MDM1: variants seen among roughly 807,000 people sequenced by gnomAD.
MDM1 encodes the protein Mdm1 nuclear protein.
A neutral mutation model predicts 89.1 loss-of-function variants in MDM1; 61 were observed. That is an observed-to-expected ratio of 0.68 (90% CI 0.56 to 0.85). MDM1 has a LOEUF of 0.85. Among genes scored for constraint, MDM1 ranks in the 40% least tolerant of loss-of-function variants. The pLI is 0.00. For synonymous variants in MDM1, 290 were observed against 294.1 expected (o/e 0.99, Z 0.14); for missense variants, 820 against 846.5 (o/e 0.97, Z 0.39).
At chr12:68,313,590 T>C in intron 11 of MDM1, 38 bp from the exon 12 acceptor site, 1 of 1,608,596 alleles carries the variant, frequency 6.2e-7, no homozygotes, top group Non-Finnish European at 8.5e-7. Context: ...TTACACTAAA[T>C]TAACATGTAG....
At chr12:68,306,417 G>C (rs1189786553) in intron 12 of MDM1, among the ~76,000 whole-genome samples, 1 of 151,924 alleles carries the variant, frequency 6.6e-6, no homozygotes, top group African/African-American at 2.4e-5. Flanking sequence ...TGACAATTGG[G>C]ACTTTTGCAC....
At chr12:68,326,044 G>C (rs1875922511) in intron 3 of MDM1, 2 of 995,284 alleles carry the variant, frequency 2.0e-6, no homozygotes, top group African/African-American at 3.5e-5. Context: ...CAGGGTCCCA[G>C]TCAGTGGTGG....
At position 68,326,982 on chromosome 12, in the gene MDM1, A is replaced by G. The variant is rs1345902879; in HGVS notation, c.173T>C (p.Val58Ala). The G allele has an allele frequency of 6.2e-7, 1 of 1,604,944 alleles. No homozygotes were observed. The highest frequency in any genetic ancestry group is 8.5e-7 in the Non-Finnish European group (1 of 1,177,158). Residue 58 changes from valine to alanine, a missense_variant, in exon 3 of 15, where the codon GTC (valine) becomes GCC (alanine). Physicochemically the swap from Val to Ala is moderately conservative, Grantham distance 64. Transcript: ENST00000682720. ...TGAAATCTGTGGGTCATGGTAAGGGACTCTTCTTTTTGAAATAAAACTTGG... is the reference window on the plus strand; with the variant it reads ...TGAAATCTGTGGGTCATGGTAAGGGGCTCTTCTTTTTGAAATAAAACTTGG... Reference protein sequence around the residue: ...KEPSFISKRRVPYHDPQISKS... With the variant: ...KEPSFISKRRAPYHDPQISKS...
At chr12:68,325,285 A>T (rs1385281248) in intron 4 of MDM1, 156 bp downstream of exon 4, 2 of 1,327,602 alleles carry the variant, frequency 1.5e-6, no homozygotes, top group Non-Finnish European at 1.9e-6. Flanking sequence ...AATCATAAGT[A>T]ATAGGATGAT....
chr12:68,302,530 T>C, intron 13 of MDM1, 90 bp downstream of exon 13: 3 of 1,143,708 alleles, frequency 2.6e-6, no homozygotes, highest in South Asian at 2.0e-5. Flanking sequence ...AAATAACTGA[T>C]TTATTAACAT....
At chr12:68,310,742 G>A (rs2120916387) in intron 12 of MDM1, among the ~76,000 whole-genome samples, 1 of 152,286 alleles carries the variant, frequency 6.6e-6, no homozygotes, top group East Asian at 1.9e-4. Flanking sequence ...AGGGTGCTCT[G>A]ATCCCATCTC....
At chr12:68,319,651 A>C (rs1264863074) in intron 7 of MDM1, among the ~76,000 whole-genome samples, 1 of 152,208 alleles carries the variant, frequency 6.6e-6, no homozygotes, top group African/African-American at 2.4e-5. Context: ...ATGATCACTG[A>C]CTTCTTAGCT....
At chr12:68,331,518 T>C (rs1256413586) in intron 1 of MDM1, among the ~76,000 whole-genome samples, 2 of 152,238 alleles carry the variant, frequency 1.3e-5, no homozygotes, top group Non-Finnish European at 2.9e-5. Context: ...GTCGGATAAC[T>C]AATGACAATC....
At chr12:68,313,342 T>C (rs1004355612) in intron 12 of MDM1, 101 bp downstream of exon 12, 16 of 849,024 alleles carry the variant, frequency 1.9e-5, no homozygotes, top group Non-Finnish European at 2.8e-5. Context: ...CCTCATATGA[T>C]AGCCACAATT....
intron 13 of MDM1, among the ~76,000 whole-genome samples, chr12:68,298,446 T>C (rs999999967): frequency 6.6e-6 from 1 of 152,144 alleles, no homozygotes; most frequent in African/African-American, 2.4e-5. Flanking sequence ...TTAGTGCTCA[T>C]GAAGGGTCTT....
chr12:68,296,899 T>C, intron 14 of MDM1, 24 bp downstream of exon 14: 1 of 1,543,038 alleles, frequency 6.5e-7, no homozygotes, highest in South Asian at 1.2e-5. Context: ...CTCAAACTTT[T>C]ATGTTATGTG....
chr12:68,298,238 C>G (rs1231568512), intron 13 of MDM1, among the ~76,000 whole-genome samples: 4 of 152,178 alleles, frequency 2.6e-5, no homozygotes, highest in African/African-American at 9.7e-5. Context: ...ACCAGTGGTC[C>G]TGAATCTGTC....
chr12:68,300,494 C>T (rs1871997091), intron 13 of MDM1, among the ~76,000 whole-genome samples: 1 of 151,850 alleles, frequency 6.6e-6, no homozygotes, highest in Non-Finnish European at 1.5e-5. Flanking sequence ...AAATGGAAAC[C>T]AAAAGCAAGC....
rs770182663 is a variant in MDM1, at chr12:68,295,220, A to C, written c.*34T>G. The C allele has an allele frequency of 2.8e-6, 4 of 1,413,402 alleles. No homozygotes were observed. The Admixed American group carries it at 8.2e-5, about 29-fold the overall frequency. 87.6% of individuals were successfully genotyped at this position (1,413,402 alleles called of 1,614,324 possible). A position where few individuals can be genotyped will look rare whatever the true frequency, so the allele number is the denominator to read the frequency against. ...GTAAGCAATAAAGAAAAATTATGCC[A>C]ATGTTTCCTTAGATAAAGGCAACTC... On this transcript the variant is annotated 3_prime_UTR_variant, in exon 15 of 15. Coordinates refer to ENST00000682720, the MANE Select transcript of MDM1 (RefSeq NM_001354969.2).
intron 2 of MDM1, among the ~76,000 whole-genome samples, chr12:68,330,302 G>A (rs1876599022): frequency 1.3e-5 from 2 of 152,094 alleles, no homozygotes; most frequent in Admixed American, 6.5e-5. Context: ...GGCCAATAAC[G>A]AGATGCAGAT....
At chr12:68,326,001 C>T in intron 3 of MDM1, 1 of 994,050 alleles carries the variant, frequency 1.0e-6, no homozygotes, top group East Asian at 1.1e-4. Context: ...CAACAAGCTA[C>T]AGATTCTTCT....
At position 68,302,704 on chromosome 12, in the gene MDM1, G is replaced by A. The variant is rs61740726; in HGVS notation, c.1918C>T (p.Pro640Ser). 2.4e-3 allele frequency: 3,863 copies of A among 1,614,004 alleles called. 69 individuals carry two copies. The African/African-American group carries it at 0.043, about 18-fold the overall frequency. Reference sequence around the variant, plus strand: ...TAGGATGGAACATGTGGTGGAGAAGGCAACTGTCCAGGGGGATTTGTTGGG... The same window carrying A: ...TAGGATGGAACATGTGGTGGAGAAGACAACTGTCCAGGGGGATTTGTTGGG... ...KYPTNPPGQL[P>S]SPPHVPSYWH... The change falls in exon 13 of 15, where the codon CCT becomes TCT. Residue 640 changes from proline (P) to serine (S), a missense_variant. Transcript: ENST00000682720.
In MDM1 at chr12:68,314,982, G is replaced by C; in HGVS notation, c.1495C>G (p.Arg499Gly). 6.2e-7 allele frequency: 1 copy of C among 1,614,000 alleles called. No individual in the cohort carries two copies. Among genetic ancestry groups the C allele is most frequent in the Non-Finnish European group, 8.5e-7 (1 of 1,179,950 alleles). The change falls in exon 10 of 15, where the codon CGT (arginine) becomes GGT (glycine). Residue 499 changes from arginine to glycine, a missense_variant. Physicochemically the swap from Arg to Gly is moderately radical, Grantham distance 125. Coordinates refer to ENST00000682720, the MANE Select transcript of MDM1 (RefSeq NM_001354969.2). ...ATCTTATCTGCCTTAGATTTCTCAC[G>C]TACATCCAACTTCTCTTGCTCTCCC... ...FMGEQEKLDV[R>G]EKSKADKMKE...
chr12:68,309,898 T>C (rs1873453761), intron 12 of MDM1, among the ~76,000 whole-genome samples: 1 of 152,204 alleles, frequency 6.6e-6, no homozygotes. Context: ...CTGGTAGTGC[T>C]GGTCGCAGAA....
Sources: gnomAD v4.1 joint callset for allele counts (sites outside exome capture counted in the v4.1 genomes callset) on GRCh38, gnomAD v4.1.1 for gene constraint, MANE v1.5 for transcripts, NCBI Gene and HGNC (gene_info 2026-07-23, HGNC 2026-07-21) for gene names.